Variants in TENM3 observed in about 807,000 individuals in gnomAD.
TENM3 encodes the protein teneurin-3.
In TENM3, 63 loss-of-function variants were observed where a neutral mutation model predicts 255.1. The ratio of observed to expected loss-of-function variants is 0.25; its 90% confidence interval spans 0.20 to 0.30. The LOEUF (loss-of-function observed/expected upper bound fraction) is 0.30. Among genes scored for constraint, TENM3 ranks in the 10% least tolerant of loss-of-function variants. The probability of loss-of-function intolerance (pLI) is 1.00; values close to 1 mark genes in which losing one functional copy is unlikely to be tolerated. For synonymous variants in TENM3, 1,306 were observed against 1,322.3 expected (o/e 0.99, Z 0.27); for missense variants, 2,929 against 3,461.1 (o/e 0.85, Z 3.86).
chr4:182,287,894 G>A (rs1760843644), intron 1 of TENM3, among the ~76,000 whole-genome samples: 1 of 151,698 alleles, frequency 6.6e-6, no homozygotes. Context: ...TGGGATTACA[G>A]GCGTGAGGTA....
At chr4:182,506,167 G>C (rs138333082) in intron 3 of TENM3, among the ~76,000 whole-genome samples, 1 of 152,086 alleles carries the variant, frequency 6.6e-6, no homozygotes, top group Non-Finnish European at 1.5e-5. Context: ...ACTTACCATC[G>C]GCTTCACTTT....
In TENM3 at chr4:182,759,420, G is replaced by A. The variant is rs554076443; in HGVS notation, c.4892+4161G>A. Reference sequence around the variant, plus strand: ...AGAACACCTATAAATGCTCTTTTGCGTTCTAAGTTAGTTCACACCTCCGTA... The same window carrying A: ...AGAACACCTATAAATGCTCTTTTGCATTCTAAGTTAGTTCACACCTCCGTA... On this transcript the variant is annotated intron_variant, in intron 22 of 27. Coordinates refer to ENST00000511685, the MANE Select transcript of TENM3 (RefSeq NM_001080477.4). 1.6e-4 allele frequency among the ~76,000 whole-genome samples: 24 copies of A among 152,272 alleles called. 1 individual carries two copies. The highest frequency in any genetic ancestry group is 5.5e-4 in the African/African-American group (23 of 41,560).
chr4:181,728,361 C>T, the TENM3 span, among the ~76,000 whole-genome samples: 182 of 152,232 alleles, frequency 1.2e-3, no homozygotes, highest in African/African-American at 3.2e-3. Context: ...ATGGCTACTC[C>T]GCAGGCAGAG....
At chr4:182,109,999 T>C in the TENM3 span, among the ~76,000 whole-genome samples, 1 of 151,558 alleles carries the variant, frequency 6.6e-6, no homozygotes, top group East Asian at 2.0e-4. Context: ...TTACTTGAAA[T>C]TTTACGTGGG....
chr4:182,314,256 G>C (rs560803594), intron 1 of TENM3, among the ~76,000 whole-genome samples: 11 of 151,688 alleles, frequency 7.3e-5, no homozygotes, highest in East Asian at 1.9e-4. Flanking sequence ...AGCCGAGATC[G>C]CGCCACTACA....
the TENM3 span, among the ~76,000 whole-genome samples, chr4:181,516,669 G>A: frequency 6.6e-6 from 1 of 151,926 alleles, no homozygotes; most frequent in African/African-American, 2.4e-5. Context: ...CCAGCTACTC[G>A]GGCGGCTGAG....
At chr4:181,519,141 A>C in the TENM3 span, among the ~76,000 whole-genome samples, 1 of 152,250 alleles carries the variant, frequency 6.6e-6, no homozygotes, top group South Asian at 2.1e-4. Context: ...GGGCAAGCAC[A>C]TCCAGTGGAA....
At chr4:182,768,827 C>A (rs1269712805) in intron 22 of TENM3, among the ~76,000 whole-genome samples, 1 of 152,086 alleles carries the variant, frequency 6.6e-6, no homozygotes, top group Non-Finnish European at 1.5e-5. Context: ...CGGTAGGTCA[C>A]GGAGAGCCTG....
chr4:181,835,400 G>T, the TENM3 span, among the ~76,000 whole-genome samples: 2 of 152,096 alleles, frequency 1.3e-5, no homozygotes, highest in Non-Finnish European at 2.9e-5. Context: ...GCCCTTCATG[G>T]ACACATATTT....
intron 24 of TENM3, among the ~76,000 whole-genome samples, chr4:182,788,009 G>A (rs767663945): frequency 2.6e-5 from 4 of 152,124 alleles, no homozygotes; most frequent in Non-Finnish European, 4.4e-5. Flanking sequence ...TATATATGAT[G>A]TATGTATATA....
intron 3 of TENM3, among the ~76,000 whole-genome samples, chr4:182,348,917 A>G (rs1765003098): frequency 6.6e-6 from 1 of 152,200 alleles, no homozygotes; most frequent in Admixed American, 6.5e-5. Context: ...GCATGGATTA[A>G]TATTAACTAG....
chr4:181,645,751 A>C, the TENM3 span, among the ~76,000 whole-genome samples: 1 of 152,220 alleles, frequency 6.6e-6, no homozygotes, highest in African/African-American at 2.4e-5. Context: ...GAACTGGAAG[A>C]CTGGAAGACT....
At chr4:181,947,646 G>C in the TENM3 span, among the ~76,000 whole-genome samples, 1 of 151,910 alleles carries the variant, frequency 6.6e-6, no homozygotes, top group Admixed American at 6.6e-5. Flanking sequence ...AAATAAAATA[G>C]AAAATAATGA....
chr4:182,786,011 T>C (rs1765624118), intron 24 of TENM3, among the ~76,000 whole-genome samples: 1 of 152,198 alleles, frequency 6.6e-6, no homozygotes, highest in South Asian at 2.1e-4. Flanking sequence ...GTTAAAGCCT[T>C]GGCTTGTGTT....
chr4:181,775,987 A>C, the TENM3 span, among the ~76,000 whole-genome samples: 1 of 152,116 alleles, frequency 6.6e-6, no homozygotes, highest in Non-Finnish European at 1.5e-5. Context: ...AACTATAGTT[A>C]CTTACTCTGC....
chr4:181,576,387 G>A, the TENM3 span, among the ~76,000 whole-genome samples: 1 of 152,148 alleles, frequency 6.6e-6, no homozygotes, highest in Non-Finnish European at 1.5e-5. Context: ...TTGCTGTCCT[G>A]AACTGTGCAG....
chr4:181,462,894 T>G, the TENM3 span, among the ~76,000 whole-genome samples: 1 of 152,220 alleles, frequency 6.6e-6, no homozygotes, highest in Admixed American at 6.5e-5. Context: ...TGGCACATAT[T>G]TACCTTATTC....
chr4:182,221,816 C>T (rs553476037), intron 1 of TENM3, among the ~76,000 whole-genome samples: 60 of 152,276 alleles, frequency 3.9e-4, no homozygotes, highest in Admixed American at 6.5e-4. Context: ...CATCAGTCTT[C>T]GGCACATATT....
the TENM3 span, among the ~76,000 whole-genome samples, chr4:181,609,528 G>A: frequency 6.6e-6 from 1 of 152,194 alleles, no homozygotes; most frequent in African/African-American, 2.4e-5. Flanking sequence ...AGCCCCATGA[G>A]CCTGATTCAA....
Sources: allele counts gnomAD v4.1 joint callset (sites outside exome capture counted in the v4.1 genomes callset), GRCh38; gene constraint gnomAD v4.1.1; transcripts MANE v1.5; gene names NCBI Gene and HGNC (gene_info 2026-07-23, HGNC 2026-07-21).